ZNF484: variants seen among roughly 807,000 people sequenced by gnomAD.
ZNF484 encodes the protein KRAB box containing C2H2 type zinc finger bA526D8.4.
ZNF484 carries 11 observed loss-of-function variants against 12.9 expected under a neutral mutation model. The observed-to-expected ratio is 0.85, with a 90% CI of 0.54 to 1.41. ZNF484 has a LOEUF of 1.41. Among genes scored for constraint, ZNF484 ranks in the 40% most tolerant of loss-of-function variants. ZNF484 has a pLI of 0.00. For missense variants in ZNF484, 807 were observed against 1,007.7 expected (o/e 0.80, Z 2.70); for synonymous variants, 289 against 334.1 (o/e 0.86, Z 1.47).
In ZNF484 at chr9:92,872,446, C is replaced by T. The variant is rs112923549; in HGVS notation, c.15+2569G>A. Among the ~76,000 whole-genome samples, 3 of 63,020 alleles carry T rather than the reference C, an allele frequency of 4.8e-5. 1 individual carries two copies. Among genetic ancestry groups the T allele is most frequent in the African/African-American group, 1.8e-4 (2 of 11,078 alleles). 41.3% of individuals were successfully genotyped at this position (63,020 alleles called of 152,430 possible). ...TTCAGGTTGCGGTGAGCCGAGATCGCGCCATTGCACTCCAGCCTGGGCAAC... is the reference window on the plus strand; with the variant it reads ...TTCAGGTTGCGGTGAGCCGAGATCGTGCCATTGCACTCCAGCCTGGGCAAC... On this transcript the variant is annotated intron_variant, in intron 2 of 4. Transcript: ENST00000375495.
intron 2 of ZNF484, among the ~76,000 whole-genome samples, chr9:92,863,699 A>T (rs1449583412): frequency 1.3e-5 from 2 of 152,206 alleles, no homozygotes; most frequent in African/African-American, 4.8e-5. Flanking sequence ...GTAGAGATTG[A>T]TGAATGGAAA....
At chr9:92,874,592 G>A (rs1406984343) in intron 2 of ZNF484, among the ~76,000 whole-genome samples, 1 of 152,100 alleles carries the variant, frequency 6.6e-6, no homozygotes, top group Non-Finnish European at 1.5e-5. Flanking sequence ...GACTACAGGT[G>A]TGAGCCACCG....
At chr9:92,852,772 G>C (rs1856186857) in intron 4 of ZNF484, among the ~76,000 whole-genome samples, 1 of 150,130 alleles carries the variant, frequency 6.7e-6, no homozygotes. Flanking sequence ...CCTGACCTCA[G>C]GTAATCCACC....
chr9:92,856,200 A>G lies in ZNF484; in HGVS notation c.134T>C (p.Ile45Thr). The part of the protein sequence containing the change: ...EVMLENYFNL[I>T]SVGCQVPKPE... ...AGCAGAGCCGTGCTTACCCACTGAG[A>G]TCAAGTTGAAATAGTTTTCCAGCAT... Residue 45 changes from isoleucine to threonine, a missense_variant, in exon 3 of 5, where the codon ATC (isoleucine) becomes ACC (threonine). Transcript: ENST00000375495. 1 of 1,613,860 alleles carries G rather than the reference A, an allele frequency of 6.2e-7. No individual in the cohort carries two copies. The highest frequency in any genetic ancestry group is 1.1e-5 in the South Asian group (1 of 91,052).
chr9:92,877,922 G>A lies in ZNF484; in HGVS notation c.-63C>T. On this transcript the variant is annotated 5_prime_UTR_variant, in exon 1 of 5. Coordinates refer to ENST00000375495, the MANE Select transcript of ZNF484 (RefSeq NM_031486.4). ...TCACCCACGTCCTCTCAGGACAGTG[G>A]TCATTTGCCTCGGGAGGTGACTATA... 6.6e-7 allele frequency: 1 copy of A among 1,517,930 alleles called. No individual in the cohort carries two copies. Among genetic ancestry groups the A allele is most frequent in the South Asian group, 1.2e-5 (1 of 83,572 alleles). The allele number at this position is 1,517,930 out of a possible 1,614,324, so 94.0% of individuals were successfully genotyped here.
At chr9:92,873,260 C>G (rs1169295696) in intron 2 of ZNF484, among the ~76,000 whole-genome samples, 7 of 152,178 alleles carry the variant, frequency 4.6e-5, no homozygotes, top group Admixed American at 2.0e-4. Flanking sequence ...CCTGACCATA[C>G]TTGCACCCTG....
chr9:92,852,298 TGTTTTTGTTTTC>T, intron 4 of ZNF484, among the ~76,000 whole-genome samples: 1 of 152,328 alleles, frequency 6.6e-6, no homozygotes, highest in Non-Finnish European at 1.5e-5. Flanking sequence ...TTTTTGTTTT[TGTTTTTGTTTTC>T]TGAGATAGAG....
At chr9:92,853,377 A>G (rs1856227265) in intron 4 of ZNF484, among the ~76,000 whole-genome samples, 1 of 152,252 alleles carries the variant, frequency 6.6e-6, no homozygotes, top group African/African-American at 2.4e-5. Context: ...CTGCTTTTAC[A>G]TGCTACATTG....
In ZNF484 at chr9:92,846,594, C is replaced by T; in HGVS notation, c.2193G>A (p.Gln731=). 1 of 1,613,266 alleles carries T rather than the reference C, an allele frequency of 6.2e-7. No homozygotes were observed. The highest frequency in any genetic ancestry group is 8.5e-7 in the Non-Finnish European group (1 of 1,179,792). The part of the protein sequence containing the change: ...ICNECGKSFI[Q]KSHLNRHRRI... ...TCCTGTGTCTATTTAAGTGTGACTTCTGGATGAAGGATTTCCCACATTCAT... is the reference window on the plus strand; with the variant it reads ...TCCTGTGTCTATTTAAGTGTGACTTTTGGATGAAGGATTTCCCACATTCAT... Residue 731 remains glutamine, a synonymous_variant, in exon 5 of 5, where the codon CAG becomes CAA. Transcript: ENST00000375495.
At chr9:92,865,150 T>C (rs1414405768) in intron 2 of ZNF484, among the ~76,000 whole-genome samples, 1 of 152,068 alleles carries the variant, frequency 6.6e-6, no homozygotes, top group Non-Finnish European at 1.5e-5. Flanking sequence ...AACATAAATG[T>C]AACAACAGGC....
chr9:92,851,515 C>T (rs1415104739), intron 4 of ZNF484, among the ~76,000 whole-genome samples: 1 of 152,118 alleles, frequency 6.6e-6, no homozygotes, highest in Non-Finnish European at 1.5e-5. Flanking sequence ...GCCATATGGT[C>T]CACAAAGCCT....
At chr9:92,863,912 A>G (rs1481251551) in intron 2 of ZNF484, among the ~76,000 whole-genome samples, 1 of 152,216 alleles carries the variant, frequency 6.6e-6, no homozygotes, top group Non-Finnish European at 1.5e-5. Context: ...CTGATAAAGG[A>G]GAATGTAAAG....
intron 4 of ZNF484, among the ~76,000 whole-genome samples, chr9:92,854,075 G>C (rs998890220): frequency 1.3e-5 from 2 of 152,020 alleles, no homozygotes; most frequent in African/African-American, 4.8e-5. Flanking sequence ...GAACTCATGG[G>C]CTTTTTTCTC....
At chr9:92,850,540 T>C (rs759793287) in intron 4 of ZNF484, among the ~76,000 whole-genome samples, 1 of 152,214 alleles carries the variant, frequency 6.6e-6, no homozygotes, top group Non-Finnish European at 1.5e-5. Flanking sequence ...CTCTCTCATT[T>C]ATCTGTGTTT....
chr9:92,846,164 A>T lies in ZNF484; in HGVS notation c.*64T>A. The T allele has an allele frequency of 6.6e-7, 1 of 1,523,472 alleles. No individual in the cohort carries two copies. Among genetic ancestry groups the T allele is most frequent in the Non-Finnish European group, 8.8e-7 (1 of 1,130,444 alleles). 94.4% of individuals were successfully genotyped at this position (1,523,472 alleles called of 1,614,324 possible). ...CACTATACATTGCTTAAACACTCTCAAAAGTGTCTCCCCATATGTGTAACT... is the reference window on the plus strand; with the variant it reads ...CACTATACATTGCTTAAACACTCTCTAAAGTGTCTCCCCATATGTGTAACT... On this transcript the variant is annotated 3_prime_UTR_variant, in exon 5 of 5. Coordinates refer to ENST00000375495, the MANE Select transcript of ZNF484 (RefSeq NM_031486.4).
In ZNF484 at chr9:92,845,187, G is replaced by A. The variant is rs76556679; in HGVS notation, c.*1041C>T. ...ATTCTAAATTGTATGTAAAATCAAA[G>A]ACAAAATATATAAAGCAAAAATTAG... On this transcript the variant is annotated 3_prime_UTR_variant, in exon 5 of 5. Transcript: ENST00000375495. The surrounding 1 kb of genome is among the most constrained non-coding windows in gnomAD (Gnocchi z 4.0). The A allele has an allele frequency of 3.3e-3, 500 of 151,980 alleles. 1 individual carries two copies. The highest frequency in any genetic ancestry group is 0.011 in the African/African-American group (468 of 41,492). The allele number at this position is 151,980 out of a possible 1,614,324, so 9.4% of individuals were successfully genotyped here.
intron 3 of ZNF484, 37 bp from the exon 4 acceptor site, chr9:92,855,940 G>A (rs140319551): frequency 6.2e-7 from 1 of 1,603,940 alleles, no homozygotes; most frequent in Non-Finnish European, 8.5e-7. Flanking sequence ...TGATTTCAGA[G>A]GCCATACAAT....
In ZNF484 at chr9:92,855,883, CT is replaced by C. The variant is rs1424163753; in HGVS notation, c.162del (p.Glu55LysfsTer61). ...TCTTGTTCCAAGCTGAAGATGACTTCTGGTTTGGGAACTTGACATCCTGTTA... is the reference window on the plus strand; with the variant it reads ...TCTTGTTCCAAGCTGAAGATGACTTCGGTTTGGGAACTTGACATCCTGTTA... ...LISVGCQVPK[P>X]EVIFSLEQEE... On this transcript the variant is annotated frameshift_variant, in exon 4 of 5. Coordinates refer to ENST00000375495, the MANE Select transcript of ZNF484 (RefSeq NM_031486.4). LOFTEE classifies it high-confidence loss of function. The C allele has an allele frequency of 6.2e-7, 1 of 1,614,040 alleles. No homozygotes were observed. Among genetic ancestry groups the C allele is most frequent in the Non-Finnish European group, 8.5e-7 (1 of 1,180,034 alleles).
In ZNF484 at chr9:92,848,291, T is replaced by C; in HGVS notation, c.496A>G (p.Thr166Ala). The C allele has an allele frequency of 6.2e-7, 1 of 1,614,200 alleles. No individual in the cohort carries two copies. Among genetic ancestry groups the C allele is most frequent in the Non-Finnish European group, 8.5e-7 (1 of 1,180,034 alleles). Residue 166 changes from threonine (T) to alanine (A), a missense_variant, in exon 5 of 5, where the codon ACA (threonine) becomes GCA (alanine). Physicochemically the swap from Thr to Ala is moderately conservative, Grantham distance 58. Coordinates refer to ENST00000375495, the MANE Select transcript of ZNF484 (RefSeq NM_031486.4). This position sits in a 1 kb window ranked among gnomAD's most constrained non-coding sequence, Gnocchi z 4.1. ...CTTTTTCTTGAGGAAACCAGGTGTG[T>C]GTTTACATGAACTATTTCCCCAATG... Reference protein sequence around the residue: ...KDIGEIVHVNTHLVSSRKRPH... With the variant: ...KDIGEIVHVNAHLVSSRKRPH...
Sources: allele counts gnomAD v4.1 joint callset (sites outside exome capture counted in the v4.1 genomes callset), GRCh38; gene constraint gnomAD v4.1.1; non-coding constraint Gnocchi (gnomAD v3.1); transcripts MANE v1.5; gene names NCBI Gene and HGNC (gene_info 2026-07-23, HGNC 2026-07-21).